Variants in TMEM204 observed in about 807,000 individuals in gnomAD.
TMEM204 encodes the protein claudin-like protein 24.
A neutral mutation model predicts 19.4 loss-of-function variants in TMEM204; 15 were observed. That is an observed-to-expected ratio of 0.77 (90% CI 0.52 to 1.19). TMEM204 has a LOEUF of 1.19. Ranked by LOEUF, TMEM204 falls within the 50% of genes most tolerant of loss-of-function variation. The pLI is 0.00. For synonymous variants in TMEM204, 161 were observed against 146.0 expected (o/e 1.10, Z -0.74); for missense variants, 287 against 321.2 (o/e 0.89, Z 0.81).
chr16:1,534,617 T>C (rs2076438), intron 1 of TMEM204, 62 bp downstream of exon 1: 630,294 of 1,592,932 alleles, frequency 0.4, 130,249 homozygotes, highest in African/African-American at 0.68. Flanking sequence ...ACATGGGAGA[T>C]GTTAGGCGCG....
At position 1,534,300 on chromosome 16, in the gene TMEM204, G is replaced by A. The variant is rs531539606; in HGVS notation, c.25G>A (p.Ala9Thr). The part of the protein sequence containing the change: MTVQRLVA[A>T]AVLVALVSLI... ...GATGACCGTGCAGAGACTCGTGGCC[G>A]CGGCCGTGCTGGTGGCCCTGGTCTC... The change falls in exon 1 of 3, where the codon GCG (alanine) becomes ACG (threonine). Residue 9 changes from alanine to threonine, a missense_variant. Physicochemically the swap from Ala to Thr is moderately conservative, Grantham distance 58. Coordinates refer to ENST00000566264, the MANE Select transcript of TMEM204 (RefSeq NM_024600.6). 2.2e-5 allele frequency: 36 copies of A among 1,612,396 alleles called. No individual in the cohort carries two copies. Among genetic ancestry groups the A allele is most frequent in the Middle Eastern group, 1.6e-4 (1 of 6,062 alleles).
Position 1,542,103 on chromosome 16 carries a change from C to T in TMEM204, c.436+27C>T, listed in dbSNP as rs553449841. 169 of 1,560,862 alleles carry T rather than the reference C, an allele frequency of 1.1e-4. 2 individuals are homozygous for T. In the South Asian group the frequency reaches 1.7e-3, roughly 16 times the overall value. On this transcript the variant is annotated intron_variant, in intron 2 of 2. Coordinates refer to ENST00000566264, the MANE Select transcript of TMEM204 (RefSeq NM_024600.6). ...TAAGTACCTGGGCGGGTGTGGCCACCGCGCCCTTGCCCCCTGTGGCCTTCT... is the reference window on the plus strand; with the variant it reads ...TAAGTACCTGGGCGGGTGTGGCCACTGCGCCCTTGCCCCCTGTGGCCTTCT...
At chr16:1,552,676 T>A (rs2141399391) in intron 2 of TMEM204, among the ~76,000 whole-genome samples, 1 of 137,980 alleles carries the variant, frequency 7.2e-6, no homozygotes, top group Admixed American at 7.8e-5. Flanking sequence ...TGAAATGGAG[T>A]CTCGCTCTGT....
intron 1 of TMEM204, among the ~76,000 whole-genome samples, chr16:1,540,074 C>A (rs1000802591): frequency 2.8e-4 from 42 of 152,244 alleles, no homozygotes; most frequent in African/African-American, 9.4e-4. Context: ...GGCGGGGGGA[C>A]CCTCAGTGGC....
intron 2 of TMEM204, among the ~76,000 whole-genome samples, chr16:1,543,051 A>C (rs1214530285): frequency 2.0e-5 from 3 of 152,228 alleles, no homozygotes; most frequent in African/African-American, 7.2e-5. Context: ...AGAGGTTTGA[A>C]GACTGTGGGC....
Position 1,534,160 on chromosome 16 carries a change from C to G in TMEM204, c.-116C>G. 4 of 1,374,082 alleles carry G rather than the reference C, an allele frequency of 2.9e-6. No homozygotes were observed. The highest frequency in any genetic ancestry group is 1.4e-5 in the South Asian group (1 of 72,870). 85.1% of individuals were successfully genotyped at this position (1,374,082 alleles called of 1,614,324 possible). On this transcript the variant is annotated 5_prime_UTR_variant, in exon 1 of 3. Transcript: ENST00000566264. ...CCATGGGCCTCCGCCCGCGCCGCCCCGAGGATGAGTGGTGATGTCCTCTAG... is the reference window on the plus strand; with the variant it reads ...CCATGGGCCTCCGCCCGCGCCGCCCGGAGGATGAGTGGTGATGTCCTCTAG...
intron 1 of TMEM204, among the ~76,000 whole-genome samples, chr16:1,540,230 G>T (rs1447150557): frequency 6.6e-6 from 1 of 152,256 alleles, no homozygotes; most frequent in Non-Finnish European, 1.5e-5. Context: ...AGATGCCTCG[G>T]CTCCAGAGCT....
At chr16:1,540,654 C>CTGTGATGGA (rs1343001860) in intron 1 of TMEM204, among the ~76,000 whole-genome samples, 1 of 152,238 alleles carries the variant, frequency 6.6e-6, no homozygotes, top group East Asian at 1.9e-4. Flanking sequence ...ATTCTGGTGT[C>CTGTGATGGA]TGTGATGGAT....
At chr16:1,541,202 T>A in intron 1 of TMEM204, 1 of 985,308 alleles carries the variant, frequency 1.0e-6, no homozygotes, top group Non-Finnish European at 1.2e-6. Flanking sequence ...AGGCCTGCTG[T>A]GAGTGGGGAA....
intron 1 of TMEM204, chr16:1,541,249 T>C: frequency 1.0e-6 from 1 of 985,376 alleles, no homozygotes; most frequent in Non-Finnish European, 1.2e-6. Context: ...GAAAGATTTG[T>C]GGCAGATGGG....
In TMEM204 at chr16:1,541,768, G is replaced by A. The variant is rs934829919; in HGVS notation, c.281-153G>A. Among the ~76,000 whole-genome samples the A allele has an allele frequency of 2.6e-4, 39 of 152,196 alleles. 1 individual carries two copies. The highest frequency in any genetic ancestry group is 4.3e-4 in the Non-Finnish European group (29 of 68,032). On this transcript the variant is annotated intron_variant, in intron 1 of 2. Transcript: ENST00000566264. ...CTTGCAGGCAGGTGAGGGGGAGGGC[G>A]TGATGCTTCCCGAAGCCACTGCCCA...
chr16:1,544,428 G>A (rs1012180544), intron 2 of TMEM204, among the ~76,000 whole-genome samples: 4 of 151,420 alleles, frequency 2.6e-5, no homozygotes, highest in South Asian at 2.1e-4. Context: ...CTCGTGATCC[G>A]CCCACCTTGG....
intron 1 of TMEM204, chr16:1,540,785 T>C: frequency 5.1e-6 from 5 of 971,348 alleles, no homozygotes; most frequent in Non-Finnish European, 6.1e-6. Context: ...CAACTGTTTA[T>C]AACGACTTAG....
chr16:1,554,880 G>C lies in TMEM204; in HGVS notation c.535G>C (p.Ala179Pro), dbSNP rs2032961894. 6.2e-7 allele frequency: 1 copy of C among 1,614,106 alleles called. No homozygotes were observed. Residue 179 changes from alanine to proline, a missense_variant, in exon 3 of 3, where the codon GCC becomes CCC. Physicochemically the swap from Ala to Pro is conservative, Grantham distance 27. Coordinates refer to ENST00000566264, the MANE Select transcript of TMEM204 (RefSeq NM_024600.6). ...CYLNIGACLL[A>P]TLAAAMLIWN... is the part of the protein sequence containing the mutation. ...CCTGAACATTGGCGCCTGCCTTCTG[G>C]CCACGCTGGCGGCAGCCATGCTCAT... is the stretch of plus-strand genomic sequence containing the variant.
intron 2 of TMEM204, among the ~76,000 whole-genome samples, chr16:1,549,642 G>A (rs918030035): frequency 6.6e-6 from 1 of 152,114 alleles, no homozygotes; most frequent in African/African-American, 2.4e-5. Flanking sequence ...ATGTTGGCCA[G>A]GCTGGTCTCA....
At chr16:1,539,555 T>C (rs961101688) in intron 1 of TMEM204, among the ~76,000 whole-genome samples, 3 of 152,282 alleles carry the variant, frequency 2.0e-5, no homozygotes, top group Admixed American at 6.5e-5. Context: ...GCCACCAGGC[T>C]GGCTCTCAGC....
chr16:1,553,474 C>A lies in TMEM204; in HGVS notation c.437-1308C>A, dbSNP rs1311269450. 1.0e-6 allele frequency: 1 copy of A among 985,306 alleles called. No homozygotes were observed. Among genetic ancestry groups the A allele is most frequent in the South Asian group, 4.7e-5 (1 of 21,290 alleles). 61.0% of individuals were successfully genotyped at this position (985,306 alleles called of 1,614,324 possible). On this transcript the variant is annotated intron_variant, in intron 2 of 2. Transcript: ENST00000566264. This position sits in a 1 kb window ranked among gnomAD's most constrained non-coding sequence, Gnocchi z 4.4. ...CACAGGTGTCAACATGCAGGCCAGGCGGAGGGACAGCAGTGGGGCTCGGCG... is the reference window on the plus strand; with the variant it reads ...CACAGGTGTCAACATGCAGGCCAGGAGGAGGGACAGCAGTGGGGCTCGGCG...
chr16:1,554,499 C>G (rs531334938), intron 2 of TMEM204, among the ~76,000 whole-genome samples: 1 of 152,298 alleles, frequency 6.6e-6, no homozygotes, highest in South Asian at 2.1e-4. Flanking sequence ...CAGAATTAAG[C>G]AGACACATAC....
At position 1,550,025 on chromosome 16, in the gene TMEM204, G is replaced by A. The variant is rs140429872; in HGVS notation, c.437-4757G>A. ...AGGCTGAGTGCAATGGTGCAATCAC[G>A]GCTTACTGCAGACTCGACCTCCTGG... On this transcript the variant is annotated intron_variant, in intron 2 of 2. Coordinates refer to ENST00000566264, the MANE Select transcript of TMEM204 (RefSeq NM_024600.6). 9.8e-4 allele frequency among the ~76,000 whole-genome samples: 149 copies of A among 151,868 alleles called. 1 individual carries two copies. In the East Asian group the frequency reaches 0.027, roughly 28 times the overall value.
Sources: allele counts gnomAD v4.1 joint callset (sites outside exome capture counted in the v4.1 genomes callset), GRCh38; gene constraint gnomAD v4.1.1; non-coding constraint Gnocchi (gnomAD v3.1); transcripts MANE v1.5; gene names NCBI Gene and HGNC (gene_info 2026-07-23, HGNC 2026-07-21).